GRK3: variants seen among roughly 807,000 people sequenced by gnomAD.
GRK3 encodes the protein adrenergic, beta, receptor kinase 2.
In GRK3, 54 loss-of-function variants were observed where a neutral mutation model predicts 95.7. The ratio of observed to expected loss-of-function variants is 0.56; its 90% CI spans 0.45 to 0.71. The LOEUF (loss-of-function observed/expected upper bound fraction) is 0.71. GRK3 is among the 30% of genes least tolerant of loss of function. GRK3 has a pLI of 0.00. For synonymous variants in GRK3, 281 were observed against 290.8 expected (o/e 0.97, Z 0.34); for missense variants, 649 against 851.2 (o/e 0.76, Z 2.96).
At chr22:25,646,171 G>T (rs1166636206) in intron 3 of GRK3, among the ~76,000 whole-genome samples, 1 of 151,928 alleles carries the variant, frequency 6.6e-6, no homozygotes, top group Non-Finnish European at 1.5e-5. Context: ...CATAAATAAG[G>T]CAATAAAAGC....
intron 15 of GRK3, 116 bp from the exon 16 acceptor site, chr22:25,709,781 TA>T: frequency 1.4e-6 from 1 of 730,050 alleles, no homozygotes. Context: ...TTTGCTTTCT[TA>T]AAGGAAAAAG....
intron 13 of GRK3, among the ~76,000 whole-genome samples, chr22:25,696,643 C>T (rs1029976414): frequency 2.6e-5 from 4 of 152,160 alleles, no homozygotes; most frequent in Non-Finnish European, 5.9e-5. Context: ...ACCTTTCCAT[C>T]GGAGAGCCTA....
intron 1 of GRK3, among the ~76,000 whole-genome samples, chr22:25,597,501 C>A (rs2084380115): frequency 6.6e-6 from 1 of 152,106 alleles, no homozygotes; most frequent in African/African-American, 2.4e-5. Flanking sequence ...ATGCTAATTA[C>A]CCTGATCTGA....
At chr22:25,594,864 G>A (rs1329848030) in intron 1 of GRK3, among the ~76,000 whole-genome samples, 3 of 151,940 alleles carry the variant, frequency 2.0e-5, no homozygotes, top group Non-Finnish European at 4.4e-5. Context: ...GGGCAACAGA[G>A]CGAAACTCCA....
chr22:25,570,491 A>G (rs780704963), intron 1 of GRK3, among the ~76,000 whole-genome samples: 3 of 152,222 alleles, frequency 2.0e-5, no homozygotes, highest in Non-Finnish European at 4.4e-5. Context: ...ATTTGCAATA[A>G]AAATCACTTT....
chr22:25,705,403 A>G (rs1482051523), intron 15 of GRK3, among the ~76,000 whole-genome samples: 1 of 152,126 alleles, frequency 6.6e-6, no homozygotes, highest in Non-Finnish European at 1.5e-5. Flanking sequence ...TTATTTTTAC[A>G]TTATCAAGAT....
rs544503854 is a variant in GRK3, at chr22:25,630,777, A to T, written c.191-13815A>T. ...CGTTATCTAAATGAATGATCCCATT[A>T]ATTAATCTAGGAATATTTTATTGAT... On this transcript the variant is annotated intron_variant, in intron 2 of 20. Transcript: ENST00000324198. Among the ~76,000 whole-genome samples the T allele has an allele frequency of 3.9e-5, 6 of 152,346 alleles. No individual in the cohort carries two copies. In the East Asian group the frequency reaches 1.2e-3, roughly 29 times the overall value.
chr22:25,708,268 A>T (rs1388605855), intron 15 of GRK3, among the ~76,000 whole-genome samples: 1 of 151,856 alleles, frequency 6.6e-6, no homozygotes, highest in Non-Finnish European at 1.5e-5. Context: ...GAGTCTCGTG[A>T]GGATGGGAGG....
intron 2 of GRK3, among the ~76,000 whole-genome samples, chr22:25,614,746 C>A (rs1305158249): frequency 6.6e-6 from 1 of 152,128 alleles, no homozygotes; most frequent in Non-Finnish European, 1.5e-5. Context: ...TTTTTATTTC[C>A]TATATAATAA....
intron 2 of GRK3, among the ~76,000 whole-genome samples, chr22:25,631,088 C>G (rs1194212087): frequency 6.6e-6 from 1 of 152,168 alleles, no homozygotes; most frequent in Non-Finnish European, 1.5e-5. Context: ...AGAAAAAAAG[C>G]AGAGAATTGT....
intron 2 of GRK3, among the ~76,000 whole-genome samples, chr22:25,620,261 T>G (rs187432296): frequency 5.9e-5 from 9 of 152,064 alleles, no homozygotes; most frequent in African/African-American, 1.9e-4. Flanking sequence ...ACCAGGCCTG[T>G]CTTTCACATA....
At chr22:25,574,948 A>G (rs1931839893) in intron 1 of GRK3, among the ~76,000 whole-genome samples, 2 of 152,352 alleles carry the variant, frequency 1.3e-5, no homozygotes, top group South Asian at 4.1e-4. Context: ...TATGCAAAAC[A>G]TCCCAATAAT....
rs1422099098 is a variant in GRK3, at chr22:25,620,004, TTTTGTGTGTGTG to T, written c.190+15553_190+15564del. Reference sequence around the variant, plus strand: ...CTTTACTCTTCCTTTCCTTTGTCTTTTTTGTGTGTGTGTGTGTGTGTGTGTGTGTGTGTGTGT... The same window carrying T: ...CTTTACTCTTCCTTTCCTTTGTCTTTTGTGTGTGTGTGTGTGTGTGTGTGT... On this transcript the variant is annotated intron_variant, in intron 2 of 20. Transcript: ENST00000324198. Among the ~76,000 whole-genome samples the T allele has an allele frequency of 7.2e-3, 863 of 120,544 alleles. 16 individuals are homozygous for T. The highest frequency in any genetic ancestry group is 0.024 in the African/African-American group (799 of 33,512). The allele number at this position is 120,544 out of a possible 152,430, so 79.1% of individuals were successfully genotyped here. A position where few individuals can be genotyped will look rare whatever the true frequency, so the allele number is the denominator to read the frequency against.
At chr22:25,648,481 T>A in intron 3 of GRK3, 1 of 1,386,862 alleles carries the variant, frequency 7.2e-7, no homozygotes, top group Non-Finnish European at 1.0e-6. Context: ...AAAGTGTGGA[T>A]GGGAATATGG....
In GRK3 at chr22:25,564,888, G is replaced by GGCGCGCGGCGC. The variant is rs1233585755; in HGVS notation, c.-144_-134dup. 5 of 141,982 alleles carry GGCGCGCGGCGC rather than the reference G, an allele frequency of 3.5e-5. No homozygotes were observed. Among genetic ancestry groups the GGCGCGCGGCGC allele is most frequent in the African/African-American group, 1.3e-4 (5 of 39,382 alleles). The allele number at this position is 141,982 out of a possible 1,614,324, so 8.8% of individuals were successfully genotyped here. On this transcript the variant is annotated 5_prime_UTR_variant, in exon 1 of 21. Transcript: ENST00000324198. ...TGCGGCGCGCGCAGAGCGCTAGTGG[G>GGCGCGCGGCGC]GCGCGCGGCGCGCGCGCGGGGCGGG...
At chr22:25,698,571 C>G (rs1413761365) in intron 13 of GRK3, among the ~76,000 whole-genome samples, 2 of 152,098 alleles carry the variant, frequency 1.3e-5, no homozygotes, top group East Asian at 3.9e-4. Flanking sequence ...TTCTATGTTT[C>G]TTAAGAGGGA....
intron 19 of GRK3, among the ~76,000 whole-genome samples, chr22:25,718,995 A>C (rs575954655): frequency 6.6e-6 from 1 of 152,240 alleles, no homozygotes; most frequent in Non-Finnish European, 1.5e-5. Flanking sequence ...TAGAGTATAC[A>C]GGAGGATGTG....
At chr22:25,612,656 TG>T (rs1472797317) in intron 2 of GRK3, among the ~76,000 whole-genome samples, 2 of 152,208 alleles carry the variant, frequency 1.3e-5, no homozygotes, top group Non-Finnish European at 2.9e-5. Context: ...ATTTCTTAAA[TG>T]TTTTTTAAGT....
At chr22:25,588,560 G>A (rs189409097) in intron 1 of GRK3, among the ~76,000 whole-genome samples, 1 of 152,308 alleles carries the variant, frequency 6.6e-6, no homozygotes, top group African/African-American at 2.4e-5. Context: ...TAGTGGTCAA[G>A]TCTTTATTGT....
Sources: gnomAD v4.1 joint callset for allele counts (sites outside exome capture counted in the v4.1 genomes callset) on GRCh38, gnomAD v4.1.1 for gene constraint, MANE v1.5 for transcripts, NCBI Gene and HGNC (gene_info 2026-07-23, HGNC 2026-07-21) for gene names.